The following ARL15 variants were observed in gnomAD, a reference collection of about 807,000 sequenced individuals.
ARL15 encodes the protein ADP-ribosylation factor-like protein 15.
A neutral mutation model predicts 25.2 loss-of-function variants in ARL15; 19 were observed. The ratio of observed to expected loss-of-function variants is 0.75; its 90% CI spans 0.53 to 1.10. The LOEUF (loss-of-function observed/expected upper bound fraction) is 1.10. Ranked by LOEUF, ARL15 falls within the 50% of genes least tolerant of loss-of-function variation. The pLI is 0.00. For missense variants in ARL15, 220 were observed against 246.0 expected (o/e 0.89, Z 0.71); for synonymous variants, 94 against 86.8 (o/e 1.08, Z -0.46).
chr5:54,206,537 G>T (rs1407987233), intron 1 of ARL15, among the ~76,000 whole-genome samples: 1 of 152,180 alleles, frequency 6.6e-6, no homozygotes, highest in African/African-American at 2.4e-5. Flanking sequence ...AATCTAAGAG[G>T]TAAGTGATCT....
At chr5:53,961,371 G>T (rs574416898) in intron 4 of ARL15, among the ~76,000 whole-genome samples, 1 of 151,702 alleles carries the variant, frequency 6.6e-6, no homozygotes, top group East Asian at 1.9e-4. Context: ...GGTGGCACAC[G>T]CCTGTAGTCC....
At chr5:54,181,789 T>C (rs1755066360) in intron 1 of ARL15, among the ~76,000 whole-genome samples, 3 of 152,094 alleles carry the variant, frequency 2.0e-5, no homozygotes, top group African/African-American at 7.2e-5. Context: ...AATTTATTTC[T>C]CCACATCCTC....
rs556543305 is a variant in ARL15, at chr5:54,022,151, C to T, written c.462+91051G>A. 1.4e-4 allele frequency among the ~76,000 whole-genome samples: 22 copies of T among 152,098 alleles called. No individual in the cohort carries two copies. In the South Asian group the frequency reaches 3.1e-3, roughly 22 times the overall value. Reference sequence around the variant, plus strand: ...TAAAGAAATGGCTACAGAAAGTTATCAAAATGGAAGAGAAATGATAAAAAG... The same window carrying T: ...TAAAGAAATGGCTACAGAAAGTTATTAAAATGGAAGAGAAATGATAAAAAG... On this transcript the variant is annotated intron_variant, in intron 4 of 4. Transcript: ENST00000504924.
At chr5:54,220,903 G>A (rs1431006103) in intron 1 of ARL15, among the ~76,000 whole-genome samples, 1 of 151,992 alleles carries the variant, frequency 6.6e-6, no homozygotes, top group Non-Finnish European at 1.5e-5. Context: ...AGTCCTAAGA[G>A]TGAAATCAGT....
intron 1 of ARL15, among the ~76,000 whole-genome samples, chr5:54,256,342 C>T (rs973505794): frequency 1.3e-5 from 2 of 150,212 alleles, no homozygotes; most frequent in Admixed American, 6.6e-5. Flanking sequence ...AACCTACAAC[C>T]CTCCTAGCTT....
intron 4 of ARL15, among the ~76,000 whole-genome samples, chr5:54,097,144 G>A (rs574652589): frequency 1.1e-4 from 16 of 152,218 alleles, no homozygotes; most frequent in South Asian, 2.1e-4. Context: ...GTGAAACCTC[G>A]TCTGTACTAA....
At chr5:54,042,827 C>T (rs751929183) in intron 4 of ARL15, among the ~76,000 whole-genome samples, 4 of 152,088 alleles carry the variant, frequency 2.6e-5, no homozygotes, top group African/African-American at 4.8e-5. Flanking sequence ...GGGTGTAACA[C>T]GGCTAGCAGC....
chr5:53,896,533 G>A (rs372914646), intron 4 of ARL15, among the ~76,000 whole-genome samples: 28 of 151,058 alleles, frequency 1.9e-4, no homozygotes, highest in East Asian at 7.9e-4. Flanking sequence ...TCACTCTGTC[G>A]CCCAGGCTGT....
chr5:53,968,775 C>T (rs1306066083), intron 4 of ARL15, among the ~76,000 whole-genome samples: 1 of 151,944 alleles, frequency 6.6e-6, no homozygotes, highest in African/African-American at 2.4e-5. Context: ...TCCCAAAGTG[C>T]TGGGATTACA....
intron 2 of ARL15, among the ~76,000 whole-genome samples, chr5:54,159,483 A>T (rs1471360738): frequency 6.6e-6 from 1 of 152,174 alleles, no homozygotes; most frequent in Non-Finnish European, 1.5e-5. Context: ...CAAAATGAGG[A>T]CTAAATTAGC....
In ARL15 at chr5:54,300,644, T is replaced by C. The variant is rs116382602; in HGVS notation, c.48+9788A>G. ...AGAATTATCCCTGAGATCTATTCTG[T>C]TGTCATCTTCCACATCCAATTACAA... On this transcript the variant is annotated intron_variant, in intron 1 of 4. Coordinates refer to ENST00000504924, the MANE Select transcript of ARL15 (RefSeq NM_019087.3). 1.9e-3 allele frequency among the ~76,000 whole-genome samples: 293 copies of C among 152,368 alleles called. 2 individuals are homozygous for C. The highest frequency in any genetic ancestry group is 6.5e-3 in the African/African-American group (272 of 41,590).
chr5:54,302,683 ATTTTTTTTTTTTTT>A (rs372704359), intron 1 of ARL15, among the ~76,000 whole-genome samples: 67 of 77,862 alleles, frequency 8.6e-4, no homozygotes, highest in African/African-American at 3.1e-3. Flanking sequence ...TAAAATTAAG[ATTTTTTTTTTTTTT>A]TTTTTTTTTT....
intron 4 of ARL15, among the ~76,000 whole-genome samples, chr5:54,101,267 T>G (rs1158984229): frequency 6.6e-6 from 1 of 152,026 alleles, no homozygotes; most frequent in Non-Finnish European, 1.5e-5. Context: ...TCAGTTCGGC[T>G]TTACCAGGCT....
intron 1 of ARL15, among the ~76,000 whole-genome samples, chr5:54,304,899 T>C (rs1758716644): frequency 6.6e-6 from 1 of 152,186 alleles, no homozygotes; most frequent in African/African-American, 2.4e-5. Flanking sequence ...GAACATAATA[T>C]GAAATCACAA....
chr5:53,963,139 G>T (rs1428025338), intron 4 of ARL15, among the ~76,000 whole-genome samples: 3 of 152,214 alleles, frequency 2.0e-5, no homozygotes, highest in Non-Finnish European at 2.9e-5. Context: ...GGAAGAATTT[G>T]AGAGTAGATG....
intron 4 of ARL15, among the ~76,000 whole-genome samples, chr5:54,022,476 A>G (rs1749635820): frequency 6.6e-6 from 1 of 152,076 alleles, no homozygotes; most frequent in African/African-American, 2.4e-5. Flanking sequence ...CCCTCTCTAT[A>G]ATCTTATCAA....
intron 1 of ARL15, among the ~76,000 whole-genome samples, chr5:54,288,559 A>G (rs778946235): frequency 1.3e-5 from 2 of 152,234 alleles, no homozygotes; most frequent in Non-Finnish European, 2.9e-5. Context: ...CAGAACCACA[A>G]TTTGAACTCA....
chr5:54,094,425 C>CA (rs1194442107), intron 4 of ARL15, among the ~76,000 whole-genome samples: 2,358 of 111,782 alleles, frequency 0.021, 24 homozygotes, highest in African/African-American at 0.042. Context: ...TAACATAGCA[C>CA]AAAAAAAAAA....
In ARL15 at chr5:53,955,366, G is replaced by A. The variant is rs575544853; in HGVS notation, c.463-68653C>T. Reference sequence around the variant, plus strand: ...AAATATTTTGCAAAGCATACCTTGTGAGCTTACGGCAGCATTTTACTAGGA... The same window carrying A: ...AAATATTTTGCAAAGCATACCTTGTAAGCTTACGGCAGCATTTTACTAGGA... On this transcript the variant is annotated intron_variant, in intron 4 of 4. Transcript: ENST00000504924. Among the ~76,000 whole-genome samples, 4 of 152,210 alleles carry A rather than the reference G, an allele frequency of 2.6e-5. No individual in the cohort carries two copies. The East Asian group carries it at 7.7e-4, about 29-fold the overall frequency.
Sources: gnomAD v4.1 joint callset for allele counts (sites outside exome capture counted in the v4.1 genomes callset) on GRCh38, gnomAD v4.1.1 for gene constraint, MANE v1.5 for transcripts, NCBI Gene and HGNC (gene_info 2026-07-23, HGNC 2026-07-21) for gene names.